AMZ1: variants seen among roughly 807,000 people sequenced by gnomAD.
AMZ1 encodes the protein archaelysin family metallopeptidase 1.
In AMZ1, 39 loss-of-function variants were observed where a neutral mutation model predicts 29.9. The ratio of observed to expected loss-of-function variants is 1.30; its 90% CI spans 1.01 to 1.70. The LOEUF (loss-of-function observed/expected upper bound fraction) is 1.70. Among genes scored for constraint, AMZ1 ranks in the 40% most tolerant of loss-of-function variants. AMZ1 has a pLI of 0.00. For synonymous variants in AMZ1, 458 were observed against 304.0 expected, an observed-to-expected ratio of 1.51 and a Z score of -5.27; for missense variants, 1,041 against 680.6, an observed-to-expected ratio of 1.53 and a Z score of -5.89.
intron 1 of AMZ1, among the ~76,000 whole-genome samples, chr7:2,689,909 A>G (rs1787287116): frequency 6.6e-6 from 1 of 152,142 alleles, no homozygotes; most frequent in African/African-American, 2.4e-5. Context: ...CAGGGCTCAC[A>G]TGCAGCTCTG....
chr7:2,756,725 T>C (rs901163322), intron 4 of AMZ1, among the ~76,000 whole-genome samples: 5 of 152,232 alleles, frequency 3.3e-5, no homozygotes, highest in Non-Finnish European at 7.3e-5. Flanking sequence ...CCCCTGTCTT[T>C]CCCTGGAGTG....
At chr7:2,703,315 A>T (rs953066515) in intron 3 of AMZ1, among the ~76,000 whole-genome samples, 1 of 151,892 alleles carries the variant, frequency 6.6e-6, no homozygotes, top group Admixed American at 6.6e-5. Context: ...TAATTTTTGT[A>T]TTTTTAGTTG....
rs200976303 is a variant in AMZ1 at position 2,751,414 on chromosome 7, C to A, written n.551-13298C>A. Among the ~76,000 whole-genome samples the A allele has an allele frequency of 1.7e-3, 232 of 134,088 alleles. 1 individual carries two copies. The highest frequency in any genetic ancestry group is 5.6e-3 in the African/African-American group (202 of 36,378). 88.0% of individuals were successfully genotyped at this position (134,088 alleles called of 152,430 possible). ...AAAGAAAAAAGAAAAAAAAAAAAAA[C>A]AGCTTATAGAAGAGAAAAAATGATC... On this transcript the variant is annotated intron_variant and non_coding_transcript_variant, in intron 4 of 4. Coordinates refer to the AMZ1 transcript ENST00000489665.
chr7:2,749,093 G>C (rs1408146230), intron 4 of AMZ1, among the ~76,000 whole-genome samples: 6 of 152,194 alleles, frequency 3.9e-5, no homozygotes, highest in African/African-American at 1.4e-4. Context: ...CATTGTGGAA[G>C]TCAGTGTGGC....
chr7:2,708,468 C>A, intron 3 of AMZ1, 120 bp from the exon 4 acceptor site: 1 of 1,476,402 alleles, frequency 6.8e-7, no homozygotes, highest in South Asian at 1.3e-5. Context: ...TGGCCCACAC[C>A]TGACTTGGGA....
At position 2,714,005 on chromosome 7, in the gene AMZ1, G is replaced by C. The variant is rs979055666; in HGVS notation, c.*1127G>C. ...GATCTGTCTCCCTTTAGTTTTGCCG[G>C]ATTTTGCTTCCTGCACTTTGAAGCT... On this transcript the variant is annotated 3_prime_UTR_variant, in exon 7 of 7. Coordinates refer to ENST00000683327, the MANE Select transcript of AMZ1 (RefSeq NM_001384743.1). 6.6e-6 allele frequency: 1 copy of C among 152,184 alleles called. No individual in the cohort carries two copies. Among genetic ancestry groups the C allele is most frequent in the Non-Finnish European group, 1.5e-5 (1 of 68,058 alleles). The allele number at this position is 152,184 out of a possible 1,614,324, so 9.4% of individuals were successfully genotyped here.
upstream of AMZ1, chr7:2,762,926 C>A: frequency 7.1e-7 from 1 of 1,403,068 alleles, no homozygotes; most frequent in Admixed American, 3.3e-5. Flanking sequence ...CAGGCGGGGA[C>A]GCCCCAGACA....
chr7:2,693,807 G>C (rs1025232519), intron 1 of AMZ1, among the ~76,000 whole-genome samples: 1 of 152,110 alleles, frequency 6.6e-6, no homozygotes, highest in Non-Finnish European at 1.5e-5. Flanking sequence ...CGCTCGCCTC[G>C]GCCTCCCAAA....
upstream of AMZ1, chr7:2,762,993 A>C (rs943145790): frequency 2.1e-5 from 27 of 1,299,258 alleles, no homozygotes; most frequent in Non-Finnish European, 2.2e-5. Flanking sequence ...CTTGTGTGCT[A>C]CTGTGGTCGC....
intron 1 of AMZ1, among the ~76,000 whole-genome samples, chr7:2,692,490 C>T (rs1248623774): frequency 3.3e-5 from 5 of 152,054 alleles, no homozygotes; most frequent in African/African-American, 4.8e-5. Flanking sequence ...TGCAGTGAGC[C>T]GAGATTGTGC....
upstream of AMZ1, among the ~76,000 whole-genome samples, chr7:2,683,327 C>T (rs1786952991): frequency 6.6e-6 from 1 of 152,216 alleles, no homozygotes; most frequent in Non-Finnish European, 1.5e-5. Flanking sequence ...CCTCTTCCTG[C>T]TTCTGGGGGC....
intron 1 of AMZ1, among the ~76,000 whole-genome samples, chr7:2,696,083 T>TCGCCC (rs1787705865): frequency 1.3e-5 from 2 of 149,298 alleles, no homozygotes; most frequent in South Asian, 4.3e-4. Context: ...CCAACCCCCC[T>TCGCCC]CGCCCCGCCC....
chr7:2,720,971 G>T (rs1250976022), downstream of AMZ1, among the ~76,000 whole-genome samples: 1 of 152,166 alleles, frequency 6.6e-6, no homozygotes, highest in Non-Finnish European at 1.5e-5. Context: ...GAGTCACCAC[G>T]CCCAGCCCGT....
Position 2,717,129 on chromosome 7 carries a change from C to T in AMZ1, c.*4251C>T, listed in dbSNP as rs1329672363. 2.6e-5 allele frequency among the ~76,000 whole-genome samples: 4 copies of T among 152,188 alleles called. No individual in the cohort carries two copies. Among genetic ancestry groups the T allele is most frequent in the African/African-American group, 4.8e-5 (2 of 41,442 alleles). On this transcript the variant is annotated 3_prime_UTR_variant, in exon 7 of 7. Coordinates refer to ENST00000683327, the MANE Select transcript of AMZ1 (RefSeq NM_001384743.1). ...GGCTTTCTGGCCCGTGCAGCTCCTT[C>T]GGACTCTGAGGAGAGGCCTGGGTGG...
chr7:2,691,389 G>A (rs745537820), intron 1 of AMZ1, among the ~76,000 whole-genome samples: 1 of 148,348 alleles, frequency 6.7e-6, no homozygotes, highest in East Asian at 1.9e-4. Context: ...TCAGTCTCCT[G>A]GGTTATGACA....
chr7:2,702,842 G>A lies in AMZ1; in HGVS notation c.425G>A (p.Cys142Tyr). 6.3e-7 allele frequency: 1 copy of A among 1,580,604 alleles called. No individual in the cohort carries two copies. The highest frequency in any genetic ancestry group is 8.6e-7 in the Non-Finnish European group (1 of 1,169,168). Residue 142 changes from cysteine to tyrosine, a missense_variant, in exon 3 of 7, where the codon TGC becomes TAC. Physicochemically the swap from Cys to Tyr is radical, Grantham distance 194. Coordinates refer to ENST00000683327, the MANE Select transcript of AMZ1 (RefSeq NM_001384743.1). The part of the protein sequence containing the change: ...LPSVAAASIR[C>Y]SSRPSRDSDR... ...TCGGTGGCAGCCGCGTCCATCCGCTGCTCCTCGCGGCCCAGCCGGGACTCT... is the reference window on the plus strand; with the variant it reads ...TCGGTGGCAGCCGCGTCCATCCGCTACTCCTCGCGGCCCAGCCGGGACTCT...
chr7:2,700,046 G>T (rs998693793), intron 1 of AMZ1, among the ~76,000 whole-genome samples, 188 bp from the exon 2 acceptor site: 1 of 151,388 alleles, frequency 6.6e-6, no homozygotes, highest in Non-Finnish European at 1.5e-5. Flanking sequence ...AGATGAAGTG[G>T]TTGAATGTGT....
rs1788512896 is a variant in AMZ1 at position 2,708,569 on chromosome 7, T to C, written c.473-19T>C. 1 of 1,611,208 alleles carries C rather than the reference T, an allele frequency of 6.2e-7. No homozygotes were observed. The highest frequency in any genetic ancestry group is 1.3e-5 in the African/African-American group (1 of 75,024). On this transcript the variant is annotated intron_variant, in intron 3 of 6. Transcript: ENST00000683327. ...CCCCGGCTGCCTCCTGACCCCATCC[T>C]CTGGCCCTCTCCCCGCAGACGGCAT...
chr7:2,687,031 TA>T (rs1190334412), upstream of AMZ1, among the ~76,000 whole-genome samples: 1 of 145,730 alleles, frequency 6.9e-6, no homozygotes, highest in Non-Finnish European at 1.5e-5. Context: ...TCTTAAGGCT[TA>T]AAAAAATTCT....
Sources: gnomAD v4.1 joint callset for allele counts (sites outside exome capture counted in the v4.1 genomes callset) on GRCh38, gnomAD v4.1.1 for gene constraint, MANE v1.5 for transcripts, NCBI Gene and HGNC (gene_info 2026-07-23, HGNC 2026-07-21) for gene names.